Variants in SNCB observed in about 807,000 individuals in gnomAD.
The protein encoded by SNCB is beta-synuclein.
SNCB carries 8 observed loss-of-function variants against 20.0 expected under a neutral mutation model. The ratio of observed to expected loss-of-function variants is 0.40; its 90% CI spans 0.24 to 0.72. The LOEUF (loss-of-function observed/expected upper bound fraction) is 0.72. SNCB is among the 30% of genes least tolerant of loss of function. SNCB has a pLI of 0.37. For missense variants in SNCB, 125 were observed against 168.0 expected, an observed-to-expected ratio of 0.74 and a Z score of 1.41; for synonymous variants, 56 against 65.4, an observed-to-expected ratio of 0.86 and a Z score of 0.69.
rs1411503165 is a variant in SNCB, at chr5:176,621,955, A to C, written c.283-652T>G. On this transcript the variant is annotated intron_variant, in intron 4 of 5. Coordinates refer to ENST00000393693, the MANE Select transcript of SNCB (RefSeq NM_003085.5). This position sits in a 1 kb window ranked among gnomAD's most constrained non-coding sequence, Gnocchi z 4.1. ...TGGCCAGCCACCTGCAGGTGACCAC[A>C]TGTATGTGAACAAACATGGGACTGA... Among the ~76,000 whole-genome samples the C allele has an allele frequency of 6.6e-6, 1 of 152,232 alleles. No homozygotes were observed. Among genetic ancestry groups the C allele is most frequent in the East Asian group, 1.9e-4 (1 of 5,196 alleles).
Position 176,629,361 on chromosome 5 carries a change from C to G in SNCB, c.121+173G>C, listed in dbSNP as rs1760183448. 1.5e-6 allele frequency: 1 copy of G among 688,068 alleles called. No homozygotes were observed. Among genetic ancestry groups the G allele is most frequent in the East Asian group, 2.8e-5 (1 of 35,936 alleles). The allele number at this position is 688,068 out of a possible 1,614,324, so 42.6% of individuals were successfully genotyped here. Reference sequence around the variant, plus strand: ...CGCCCCGTGTCCCCATTTCCGGATACAGACCCAGGCTTCTATGGGCTGGCT... The same window carrying G: ...CGCCCCGTGTCCCCATTTCCGGATAGAGACCCAGGCTTCTATGGGCTGGCT... On this transcript the variant is annotated intron_variant, in intron 2 of 5. Transcript: ENST00000393693. The surrounding 1 kb of genome is among the most constrained non-coding windows in gnomAD (Gnocchi z 4.1).
Position 176,621,152 on chromosome 5 carries a change from C to G in SNCB, c.372+62G>C. ...TCATGCCAGGGATGTCCCACCCCAG[C>G]TAGGGACGGCAGCAATCATCCTGGA... On this transcript the variant is annotated intron_variant, in intron 5 of 5. Transcript: ENST00000393693. This position sits in a 1 kb window ranked among gnomAD's most constrained non-coding sequence, Gnocchi z 4.1. The G allele has an allele frequency of 7.5e-7, 1 of 1,338,896 alleles. No homozygotes were observed. Among genetic ancestry groups the G allele is most frequent in the Non-Finnish European group, 1.1e-6 (1 of 946,770 alleles). The allele number at this position is 1,338,896 out of a possible 1,614,324, so 82.9% of individuals were successfully genotyped here.
chr5:176,630,526 G>T lies in SNCB; in HGVS notation c.-256C>A, dbSNP rs1032551309. 3 of 153,028 alleles carry T rather than the reference G, an allele frequency of 2.0e-5. No homozygotes were observed. Among genetic ancestry groups the T allele is most frequent in the South Asian group, 1.9e-4 (1 of 5,350 alleles). The allele number at this position is 153,028 out of a possible 1,614,324, so 9.5% of individuals were successfully genotyped here. ...GCTCCGGCTCCGGCTCCGGCGCTGCGGCAGCTCTGAGCTCAGCGCCCCCGC... is the reference window on the plus strand; with the variant it reads ...GCTCCGGCTCCGGCTCCGGCGCTGCTGCAGCTCTGAGCTCAGCGCCCCCGC... On this transcript the variant is annotated 5_prime_UTR_variant, in exon 1 of 6. Transcript: ENST00000393693.
At chr5:176,628,414 C>T (rs185241590) in intron 2 of SNCB, among the ~76,000 whole-genome samples, 23 of 152,294 alleles carry the variant, frequency 1.5e-4, no homozygotes, top group Admixed American at 1.4e-3. Context: ...CATCAGGCCT[C>T]CCTGCAGTTT....
chr5:176,625,109 CAT>C (rs1328924074), intron 4 of SNCB, among the ~76,000 whole-genome samples: 9 of 152,374 alleles, frequency 5.9e-5, no homozygotes, highest in Admixed American at 5.2e-4. Context: ...CCTGCACACA[CAT>C]GTCATGGGGG....
chr5:176,629,740 C>T lies in SNCB; in HGVS notation c.-9-77G>A, dbSNP rs369984027. 1.3e-6 allele frequency: 2 copies of T among 1,532,820 alleles called. No individual in the cohort carries two copies. Among genetic ancestry groups the T allele is most frequent in the African/African-American group, 2.7e-5 (2 of 73,490 alleles). The allele number at this position is 1,532,820 out of a possible 1,614,324, so 95.0% of individuals were successfully genotyped here. On this transcript the variant is annotated intron_variant, in intron 1 of 5. Transcript: ENST00000393693. This position sits in a 1 kb window ranked among gnomAD's most constrained non-coding sequence, Gnocchi z 4.1. ...CAGCCCCTCCCGCGGGACGCAGATGCCCCCCTACTCCCGAGACCGCGGCGC... is the reference window on the plus strand; with the variant it reads ...CAGCCCCTCCCGCGGGACGCAGATGTCCCCCTACTCCCGAGACCGCGGCGC...
chr5:176,625,657 CAT>C (rs1192407635), intron 4 of SNCB, among the ~76,000 whole-genome samples: 5 of 152,208 alleles, frequency 3.3e-5, no homozygotes, highest in African/African-American at 4.8e-5. Flanking sequence ...TCCATGCACA[CAT>C]GAGTGGTTCC....
At position 176,624,756 on chromosome 5, in the gene SNCB, C is replaced by T. The variant is rs576438346; in HGVS notation, c.282+1642G>A. Among the ~76,000 whole-genome samples the T allele has an allele frequency of 5.0e-5, 7 of 139,954 alleles. No individual in the cohort carries two copies. The South Asian group carries it at 9.0e-4, about 18-fold the overall frequency. 91.8% of individuals were successfully genotyped at this position (139,954 alleles called of 152,430 possible). ...GGCAGAGGTTGCAGTGAGCCAAGATCGTGCCATTGCACTCCAGCCTGGGCA... is the reference window on the plus strand; with the variant it reads ...GGCAGAGGTTGCAGTGAGCCAAGATTGTGCCATTGCACTCCAGCCTGGGCA... On this transcript the variant is annotated intron_variant, in intron 4 of 5. Coordinates refer to ENST00000393693, the MANE Select transcript of SNCB (RefSeq NM_003085.5).
intron 4 of SNCB, among the ~76,000 whole-genome samples, chr5:176,622,048 G>C (rs1759637005): frequency 6.6e-6 from 1 of 152,232 alleles, no homozygotes; most frequent in Admixed American, 6.5e-5. Flanking sequence ...TGCCTCATGT[G>C]GGGCTGGCAC....
At chr5:176,624,453 C>A (rs1446758836) in intron 4 of SNCB, among the ~76,000 whole-genome samples, 5 of 152,182 alleles carry the variant, frequency 3.3e-5, no homozygotes, top group Non-Finnish European at 5.9e-5. Flanking sequence ...ACAGTGCCTG[C>A]TCATGAAAGA....
chr5:176,620,759 G>T lies in SNCB; in HGVS notation c.*52C>A. The T allele has an allele frequency of 7.6e-7, 1 of 1,318,772 alleles. No individual in the cohort carries two copies. The highest frequency in any genetic ancestry group is 1.1e-6 in the Non-Finnish European group (1 of 908,604). The allele number at this position is 1,318,772 out of a possible 1,614,324, so 81.7% of individuals were successfully genotyped here. A position where few individuals can be genotyped will look rare whatever the true frequency, so the allele number is the denominator to read the frequency against. The stretch of plus-strand genomic sequence containing the variant: ...AAGGACAGCCCTGGCTCTGGGGGGC[G>T]GGGCAGGGACAGGGACAGAATTGTG... On this transcript the variant is annotated 3_prime_UTR_variant, in exon 6 of 6. Coordinates refer to ENST00000393693, the MANE Select transcript of SNCB (RefSeq NM_003085.5). The surrounding 1 kb of genome is among the most constrained non-coding windows in gnomAD (Gnocchi z 4.5).
In SNCB at chr5:176,629,572, T is replaced by C. The variant is rs1372623368; in HGVS notation, c.83A>G (p.Glu28Gly). ...AAEKTKQGVT[E>G]AAEKTKEGVL... Reference sequence around the variant, plus strand: ...GCCCTCCTTGGTCTTCTCCGCCGCCTCGGTGACCCCCTGCTTGGTTTTCTC... The same window carrying C: ...GCCCTCCTTGGTCTTCTCCGCCGCCCCGGTGACCCCCTGCTTGGTTTTCTC... Residue 28 changes from glutamate (E) to glycine (G), a missense_variant, in exon 2 of 6, where the codon GAG becomes GGG. Physicochemically the swap from Glu to Gly is moderately conservative, Grantham distance 98. Transcript: ENST00000393693. This position sits in a 1 kb window ranked among gnomAD's most constrained non-coding sequence, Gnocchi z 4.1. 1 of 1,612,682 alleles carries C rather than the reference T, an allele frequency of 6.2e-7. No homozygotes were observed.
rs1024496290 is a variant in SNCB at position 176,621,058 on chromosome 5, C to T, written c.372+156G>A. ...CAGCGCTAGACCCTATCTGCCCTCT[C>T]CTCCCTGCTCCCACCTCCTGGGGCC... On this transcript the variant is annotated intron_variant, in intron 5 of 5. Transcript: ENST00000393693. The surrounding 1 kb of genome is among the most constrained non-coding windows in gnomAD (Gnocchi z 4.1). Among the ~76,000 whole-genome samples, 2 of 152,156 alleles carry T rather than the reference C, an allele frequency of 1.3e-5. No individual in the cohort carries two copies. The highest frequency in any genetic ancestry group is 1.3e-4 in the Admixed American group (2 of 15,282).
chr5:176,621,063 C>G lies in SNCB; in HGVS notation c.372+151G>C, dbSNP rs1237931168. The G allele has an allele frequency of 2.1e-5, 16 of 769,450 alleles. No homozygotes were observed. The highest frequency in any genetic ancestry group is 3.4e-5 in the Non-Finnish European group (15 of 445,580). The allele number at this position is 769,450 out of a possible 1,614,324, so 47.7% of individuals were successfully genotyped here. ...CTAGACCCTATCTGCCCTCTCCTCC[C>G]TGCTCCCACCTCCTGGGGCCTGGGT... On this transcript the variant is annotated intron_variant, in intron 5 of 5. Coordinates refer to ENST00000393693, the MANE Select transcript of SNCB (RefSeq NM_003085.5). This position sits in a 1 kb window ranked among gnomAD's most constrained non-coding sequence, Gnocchi z 4.1.
In SNCB at chr5:176,626,678, G is replaced by A. The variant is rs199524783; in HGVS notation, c.163+42C>T. 583 of 1,607,354 alleles carry A rather than the reference G, an allele frequency of 3.6e-4. 3 individuals are homozygous for A. Among genetic ancestry groups the A allele is most frequent in the Admixed American group, 1.2e-4 (7 of 59,934 alleles). Reference sequence around the variant, plus strand: ...CCTCTGGTTCCCGGCCAGATCATCCGCCTAAGTGAGAGAAGGGCTGGTGCC... The same window carrying A: ...CCTCTGGTTCCCGGCCAGATCATCCACCTAAGTGAGAGAAGGGCTGGTGCC... On this transcript the variant is annotated intron_variant, in intron 3 of 5. Coordinates refer to ENST00000393693, the MANE Select transcript of SNCB (RefSeq NM_003085.5). This position sits in a 1 kb window ranked among gnomAD's most constrained non-coding sequence, Gnocchi z 4.2.
chr5:176,626,710 G>A lies in SNCB; in HGVS notation c.163+10C>T. ...TGAGAGAAGGGCTGGTGCCAGGGCT[G>A]GGCTAGTACCTGAAGCCACACCTTG... On this transcript the variant is annotated intron_variant, in intron 3 of 5. Coordinates refer to ENST00000393693, the MANE Select transcript of SNCB (RefSeq NM_003085.5). This position sits in a 1 kb window ranked among gnomAD's most constrained non-coding sequence, Gnocchi z 4.2. The A allele has an allele frequency of 6.2e-7, 1 of 1,613,912 alleles. No homozygotes were observed. The highest frequency in any genetic ancestry group is 8.5e-7 in the Non-Finnish European group (1 of 1,179,848).
intron 4 of SNCB, among the ~76,000 whole-genome samples, chr5:176,623,064 A>T (rs1165259896): frequency 6.6e-6 from 1 of 151,896 alleles, no homozygotes; most frequent in Non-Finnish European, 1.5e-5. Flanking sequence ...GTCAAAAAAC[A>T]CCCAACTAGT....
Position 176,626,105 on chromosome 5 carries a change from T to C in SNCB, c.282+293A>G, listed in dbSNP as rs1759922542. Among the ~76,000 whole-genome samples the C allele has an allele frequency of 6.6e-6, 1 of 152,126 alleles. No homozygotes were observed. ...AAATGAATGAACAATCATTGACACA[T>C]GCAGACGTGGCCAGAAGTCATCTGG... On this transcript the variant is annotated intron_variant, in intron 4 of 5. Coordinates refer to ENST00000393693, the MANE Select transcript of SNCB (RefSeq NM_003085.5). This position sits in a 1 kb window ranked among gnomAD's most constrained non-coding sequence, Gnocchi z 4.2.
rs1282224621 is a variant in SNCB, at chr5:176,624,802, C to CAAAAAAA, written c.282+1589_282+1595dup. 2.4e-4 allele frequency among the ~76,000 whole-genome samples: 12 copies of CAAAAAAA among 50,910 alleles called. 1 individual carries two copies. Among genetic ancestry groups the CAAAAAAA allele is most frequent in the Non-Finnish European group, 2.7e-4 (6 of 22,268 alleles). The allele number at this position is 50,910 out of a possible 152,430, so 33.4% of individuals were successfully genotyped here. A position where few individuals can be genotyped will look rare whatever the true frequency, so the allele number is the denominator to read the frequency against. On this transcript the variant is annotated intron_variant, in intron 4 of 5. Transcript: ENST00000393693. ...GGGCAACAAGAGCAAAACTCCGTCTCAAAAAAAAAAAAAAACAAAAAAAAA... is the reference window on the plus strand; with the variant it reads ...GGGCAACAAGAGCAAAACTCCGTCTCAAAAAAAAAAAAAAAAAAAAAACAAAAAAAAA...
Sources: allele counts gnomAD v4.1 joint callset (sites outside exome capture counted in the v4.1 genomes callset), GRCh38; gene constraint gnomAD v4.1.1; non-coding constraint Gnocchi (gnomAD v3.1); transcripts MANE v1.5; gene names NCBI Gene and HGNC (gene_info 2026-07-23, HGNC 2026-07-21).